The following RASSF8 variants were observed in gnomAD, a reference collection of about 807,000 sequenced individuals.
RASSF8 encodes the protein Ras association domain family member 8.
A neutral mutation model predicts 48.5 loss-of-function variants in RASSF8; 22 were observed. The observed-to-expected ratio is 0.45, with a 90% CI of 0.32 to 0.65. The LOEUF is 0.65. RASSF8 is among the 30% of genes least tolerant of loss of function. The probability of loss-of-function intolerance (pLI) is 0.03; values close to 1 mark genes in which losing one functional copy is unlikely to be tolerated. For synonymous variants in RASSF8, 127 were observed against 171.5 expected (o/e 0.74, Z 2.03); for missense variants, 418 against 489.2 (o/e 0.85, Z 1.37).
At chr12:26,035,039 C>A (rs1341568516) in intron 2 of RASSF8, among the ~76,000 whole-genome samples, 1 of 152,096 alleles carries the variant, frequency 6.6e-6, no homozygotes. Flanking sequence ...GCCCTATAAA[C>A]TTTAATAGAC....
At chr12:26,042,054 T>C (rs1192412705) in intron 2 of RASSF8, among the ~76,000 whole-genome samples, 4 of 152,258 alleles carry the variant, frequency 2.6e-5, no homozygotes, top group African/African-American at 9.6e-5. Flanking sequence ...AAACGAGGTA[T>C]ATATTTGTTT....
intron 1 of RASSF8, among the ~76,000 whole-genome samples, chr12:25,993,034 G>T (rs1246014411): frequency 2.0e-5 from 3 of 152,144 alleles, no homozygotes; most frequent in Admixed American, 2.0e-4. Flanking sequence ...GGAATCAATG[G>T]GGAGCTGAGG....
chr12:26,053,106 A>G (rs1302419404), intron 2 of RASSF8: 1 of 152,116 alleles, frequency 6.6e-6, no homozygotes, highest in East Asian at 1.9e-4. Context: ...GCTGTCCAAC[A>G]TGATGCCTGT....
intron 3 of RASSF8, among the ~76,000 whole-genome samples, chr12:26,059,398 T>C (rs1943689497): frequency 6.6e-6 from 1 of 152,222 alleles, no homozygotes; most frequent in South Asian, 2.1e-4. Context: ...TTTCAGAAAT[T>C]TAAAAATTGA....
chr12:26,065,038 G>GA lies in RASSF8; in HGVS notation c.647dup (p.Asn216LysfsTer6). 6.2e-7 allele frequency: 1 copy of GA among 1,613,538 alleles called. No individual in the cohort carries two copies. Among genetic ancestry groups the GA allele is most frequent in the Non-Finnish European group, 8.5e-7 (1 of 1,179,790 alleles). Reference sequence around the variant, plus strand: ...GTCCGTCTAGAGCAAAAGATCAAAAGAAACGATGTAGAAATTGAGGAGGAA... The same window carrying GA: ...GTCCGTCTAGAGCAAAAGATCAAAAGAAAACGATGTAGAAATTGAGGAGGAA... On this transcript the variant is annotated frameshift_variant, in exon 4 of 6. Transcript: ENST00000689635. LOFTEE classifies it high-confidence loss of function.
chr12:26,001,787 T>TAAA (rs548158554), intron 2 of RASSF8, among the ~76,000 whole-genome samples: 1 of 144,526 alleles, frequency 6.9e-6, no homozygotes, highest in Admixed American at 6.9e-5. Context: ...ACAGTTAACT[T>TAAA]AAAAAAAAAA....
intron 1 of RASSF8, among the ~76,000 whole-genome samples, chr12:25,977,879 GAC>G (rs1435062123): frequency 6.6e-6 from 1 of 152,172 alleles, no homozygotes; most frequent in Non-Finnish European, 1.5e-5. Flanking sequence ...GACACTGAGA[GAC>G]ACTTGGAAGG....
intron 2 of RASSF8, among the ~76,000 whole-genome samples, chr12:26,002,481 A>G (rs1942284165): frequency 6.6e-6 from 1 of 151,886 alleles, no homozygotes; most frequent in Non-Finnish European, 1.5e-5. Flanking sequence ...CCTGTATTAT[A>G]TAAAAAATTA....
chr12:26,073,882 T>C (rs1484771919), downstream of RASSF8, among the ~76,000 whole-genome samples: 1 of 150,394 alleles, frequency 6.6e-6, no homozygotes, highest in East Asian at 1.9e-4. Context: ...TAGTATTTAT[T>C]GAGCCAAAGT....
chr12:25,996,100 G>A (rs1293215470), intron 2 of RASSF8, among the ~76,000 whole-genome samples: 1 of 152,122 alleles, frequency 6.6e-6, no homozygotes, highest in Non-Finnish European at 1.5e-5. Flanking sequence ...GTAGACCCTG[G>A]TATGTTGCTT....
chr12:26,031,735 G>C lies in RASSF8; in HGVS notation c.-108-23501G>C, dbSNP rs143526479. ...AGGTAGGGTCTGCGGGATCAGAGTG[G>C]GAATGGGAGAACTTGAGAAAAAGAG... On this transcript the variant is annotated intron_variant, in intron 2 of 5. Transcript: ENST00000689635. 4.5e-3 allele frequency among the ~76,000 whole-genome samples: 688 copies of C among 152,210 alleles called. 5 individuals are homozygous for C. Among genetic ancestry groups the C allele is most frequent in the African/African-American group, 0.016 (664 of 41,512 alleles).
intron 2 of RASSF8, among the ~76,000 whole-genome samples, 157 bp downstream of exon 2, chr12:25,995,287 T>TAG (rs1196221681): frequency 2.0e-5 from 3 of 152,344 alleles, no homozygotes; most frequent in East Asian, 3.9e-4. Flanking sequence ...GCCATTTATT[T>TAG]AGAGAAGGAC....
chr12:26,075,445 A>G (rs1338186031), downstream of RASSF8, among the ~76,000 whole-genome samples: 8 of 152,316 alleles, frequency 5.3e-5, no homozygotes, highest in East Asian at 1.4e-3. Context: ...ATGGATTTGG[A>G]AGAAGTGCTC....
At chr12:25,999,116 G>A (rs550383425) in intron 2 of RASSF8, among the ~76,000 whole-genome samples, 1 of 152,296 alleles carries the variant, frequency 6.6e-6, no homozygotes, top group South Asian at 2.1e-4. Context: ...TATGGTAGGT[G>A]AGTCTTCTGA....
At chr12:25,963,400 T>C (rs934124306) in intron 1 of RASSF8, among the ~76,000 whole-genome samples, 1 of 151,570 alleles carries the variant, frequency 6.6e-6, no homozygotes, top group Non-Finnish European at 1.5e-5. Context: ...TTTTGTCATG[T>C]GGTTGCTCTT....
At chr12:26,043,124 A>G (rs1943301288) in intron 2 of RASSF8, among the ~76,000 whole-genome samples, 1 of 152,216 alleles carries the variant, frequency 6.6e-6, no homozygotes, top group Non-Finnish European at 1.5e-5. Context: ...GTAATAGGAC[A>G]ATCAGAGGAG....
At chr12:26,043,823 A>G (rs1309864566) in intron 2 of RASSF8, among the ~76,000 whole-genome samples, 1 of 152,214 alleles carries the variant, frequency 6.6e-6, no homozygotes, top group African/African-American at 2.4e-5. Context: ...AAACCAGACA[A>G]CATTACATAT....
chr12:26,046,257 C>T (rs749253592), intron 2 of RASSF8, among the ~76,000 whole-genome samples: 5 of 152,206 alleles, frequency 3.3e-5, no homozygotes, highest in Non-Finnish European at 5.9e-5. Context: ...TGATTACTTT[C>T]TCTCCTAAGC....
intron 3 of RASSF8, 63 bp from the exon 4 acceptor site, chr12:26,064,435 T>A: frequency 1.4e-6 from 2 of 1,394,416 alleles, no homozygotes; most frequent in Non-Finnish European, 1.9e-6. Flanking sequence ...ATGGCATTCT[T>A]ACTCCATTTT....
Sources: allele counts gnomAD v4.1 joint callset (sites outside exome capture counted in the v4.1 genomes callset), GRCh38; gene constraint gnomAD v4.1.1; transcripts MANE v1.5; gene names NCBI Gene and HGNC (gene_info 2026-07-23, HGNC 2026-07-21).